The following CALML4 variants were observed in gnomAD, a reference collection of about 807,000 sequenced individuals.
The protein encoded by CALML4 is calmodulin like 4, also known as calmodulin-like protein 4.
CALML4 carries 16 observed loss-of-function variants against 17.9 expected under a neutral mutation model. The ratio of observed to expected loss-of-function variants is 0.89; its 90% CI spans 0.61 to 1.36. The LOEUF is 1.36. CALML4 is among the 40% of genes most tolerant of loss of function. The probability of loss-of-function intolerance (pLI) is 0.00; values close to 1 mark genes in which losing one functional copy is unlikely to be tolerated. For missense variants in CALML4, 203 were observed against 194.8 expected (o/e 1.04, Z -0.25); for synonymous variants, 86 against 71.5 (o/e 1.20, Z -1.02).
At chr15:68,201,446 G>T (rs2093165340) in intron 2 of CALML4, among the ~76,000 whole-genome samples, 1 of 152,208 alleles carries the variant, frequency 6.6e-6, no homozygotes, top group Non-Finnish European at 1.5e-5. Flanking sequence ...TAGCACTACA[G>T]GGGGTACCCC....
upstream of CALML4, chr15:68,205,355 G>A (rs750142824): frequency 1.2e-6 from 2 of 1,613,974 alleles, no homozygotes; most frequent in East Asian, 2.2e-5. The surrounding 1 kb of genome is among the most constrained non-coding windows in gnomAD (Gnocchi z 4.8). Flanking sequence ...GGAGGCCCGG[G>A]TAATAAATGC....
At chr15:68,205,366 T>G, upstream of CALML4, 1 of 1,613,800 alleles carries the variant, frequency 6.2e-7, no homozygotes, top group South Asian at 1.1e-5. The surrounding 1 kb of genome is among the most constrained non-coding windows in gnomAD (Gnocchi z 4.8). Context: ...TAATAAATGC[T>G]CGGCTGCCAT....
chr15:68,199,985 T>C, intron 2 of CALML4: 1 of 196,818 alleles, frequency 5.1e-6, no homozygotes, highest in South Asian at 1.3e-4. Flanking sequence ...GTGTCCTGTA[T>C]TTTATCTGGC....
In CALML4 at chr15:68,197,952, G is replaced by A; in HGVS notation, c.176-324C>T. Reference sequence around the variant, plus strand: ...CCTTCTAGCGCTTCCCTCCTGCCCTGAACTGGAGGGAAACAGGTCCATGTG... The same window carrying A: ...CCTTCTAGCGCTTCCCTCCTGCCCTAAACTGGAGGGAAACAGGTCCATGTG... On this transcript the variant is annotated intron_variant, in intron 3 of 4. Coordinates refer to ENST00000467889, the MANE Select transcript of CALML4 (RefSeq NM_033429.3). The surrounding 1 kb of genome is among the most constrained non-coding windows in gnomAD (Gnocchi z 4.1). The A allele has an allele frequency of 3.8e-6, 1 of 262,744 alleles. No homozygotes were observed. The highest frequency in any genetic ancestry group is 7.3e-6 in the Non-Finnish European group (1 of 136,320). The allele number at this position is 262,744 out of a possible 1,614,324, so 16.3% of individuals were successfully genotyped here.
upstream of CALML4, chr15:68,205,693 GGGAACCCTTCC>G: frequency 2.9e-6 from 1 of 341,242 alleles, no homozygotes; most frequent in Non-Finnish European, 5.6e-6. This position sits in a 1 kb window ranked among gnomAD's most constrained non-coding sequence, Gnocchi z 4.8. Flanking sequence ...GTAGGAGGAA[GGGAACCCTTCC>G]AAGACGGCCT....
Position 68,205,052 on chromosome 15 carries a change from A to C in CALML4, c.34+69T>G, listed in dbSNP as rs1170828298. 1 of 1,564,634 alleles carries C rather than the reference A, an allele frequency of 6.4e-7. No individual in the cohort carries two copies. The highest frequency in any genetic ancestry group is 1.4e-5 in the African/African-American group (1 of 73,810). The stretch of plus-strand genomic sequence containing the variant: ...CCTTCCTTCCCACCAAGAAAACATG[A>C]GCAGAGCAAATTGCCTAATGAGACC... On this transcript the variant is annotated intron_variant, in intron 2 of 4. Transcript: ENST00000467889. This position sits in a 1 kb window ranked among gnomAD's most constrained non-coding sequence, Gnocchi z 4.8.
chr15:68,198,871 T>C (rs2093155339), intron 3 of CALML4, among the ~76,000 whole-genome samples: 1 of 151,954 alleles, frequency 6.6e-6, no homozygotes, highest in South Asian at 2.1e-4. Context: ...TAAAATGGAG[T>C]TAGGAGAAAG....
At chr15:68,194,140 G>A (rs1425959381) in intron 4 of CALML4, 28 bp from the exon 5 acceptor site, 2 of 1,585,884 alleles carry the variant, frequency 1.3e-6, no homozygotes, top group Non-Finnish European at 1.7e-6. Context: ...TAATTTTTCA[G>A]TTTGGCTTTA....
chr15:68,198,120 C>A, intron 3 of CALML4: 1 of 153,166 alleles, frequency 6.5e-6, no homozygotes, highest in Non-Finnish European at 1.5e-5. Flanking sequence ...CCCTCCTCCA[C>A]GGGCCCTGGC....
intron 4 of CALML4, among the ~76,000 whole-genome samples, chr15:68,194,395 T>G (rs1262970067): frequency 6.6e-6 from 1 of 151,812 alleles, no homozygotes; most frequent in Non-Finnish European, 1.5e-5. Context: ...TTTTTTTTTT[T>G]TTTTTTTAAA....
intron 2 of CALML4, chr15:68,199,931 TTG>T (rs2093160020): frequency 1.2e-5 from 4 of 323,018 alleles, no homozygotes; most frequent in African/African-American, 8.6e-5. Flanking sequence ...TATACTTCTA[TTG>T]GAAAAGTATT....
rs746714520 is a variant in CALML4 at position 68,194,111 on chromosome 15, C to T, written c.366G>A (p.Val122=). 5 of 1,609,866 alleles carry T rather than the reference C, an allele frequency of 3.1e-6. No homozygotes were observed. Among genetic ancestry groups the T allele is most frequent in the Non-Finnish European group, 4.3e-6 (5 of 1,176,372 alleles). ...SLGEKLTHKE[V]DDLFREADIE... is the part of the protein sequence containing the mutation. ...TATCTGCTTCCCTGAAGAGATCATC[C>T]ACTGCAATAAATCACATTTAATTTT... The change falls in exon 5 of 5, where the codon GTG becomes GTA. Residue 122 remains valine (V), a splice_region_variant and synonymous_variant. Coordinates refer to ENST00000467889, the MANE Select transcript of CALML4 (RefSeq NM_033429.3).
At chr15:68,202,157 C>T (rs890337620) in intron 2 of CALML4, among the ~76,000 whole-genome samples, 3 of 152,226 alleles carry the variant, frequency 2.0e-5, no homozygotes, top group Non-Finnish European at 4.4e-5. Context: ...AAGAAAGAGA[C>T]CTGTGCAAGG....
chr15:68,203,476 T>C (rs2093172197), intron 2 of CALML4, among the ~76,000 whole-genome samples: 1 of 152,264 alleles, frequency 6.6e-6, no homozygotes, highest in Non-Finnish European at 1.5e-5. Flanking sequence ...AATAGGGCTG[T>C]CTTTTTAACT....
chr15:68,193,341 T>C lies in CALML4; in HGVS notation c.*674A>G, dbSNP rs576192196. 1.3e-5 allele frequency: 2 copies of C among 152,468 alleles called. No individual in the cohort carries two copies. Among genetic ancestry groups the C allele is most frequent in the South Asian group, 4.1e-4 (2 of 4,828 alleles). The allele number at this position is 152,468 out of a possible 1,614,324, so 9.4% of individuals were successfully genotyped here. Reference sequence around the variant, plus strand: ...GCTCTCAGCTGATGCTGCCTCATTGTAGCATGTGTTTTCACTCTAGTGTTT... The same window carrying C: ...GCTCTCAGCTGATGCTGCCTCATTGCAGCATGTGTTTTCACTCTAGTGTTT... On this transcript the variant is annotated 3_prime_UTR_variant, in exon 5 of 5. Coordinates refer to ENST00000467889, the MANE Select transcript of CALML4 (RefSeq NM_033429.3).
At position 68,193,865 on chromosome 15, in the gene CALML4, TA is replaced by T. The variant is rs2093131225; in HGVS notation, c.*149del. On this transcript the variant is annotated 3_prime_UTR_variant, in exon 5 of 5. Coordinates refer to ENST00000467889, the MANE Select transcript of CALML4 (RefSeq NM_033429.3). ...TCATACCATGGCTGAAATCATCTAT[TA>T]TTGTTGCTAGTTAGCCTCTCTTCTA... 1 of 606,806 alleles carries T rather than the reference TA, an allele frequency of 1.6e-6. No individual in the cohort carries two copies. Among genetic ancestry groups the T allele is most frequent in the African/African-American group, 1.9e-5 (1 of 53,948 alleles). The allele number at this position is 606,806 out of a possible 1,614,324, so 37.6% of individuals were successfully genotyped here.
chr15:68,197,540 TAGA>T lies in CALML4; in HGVS notation c.261_263del (p.Leu88del), dbSNP rs1567089807. ...TCTCCTTGTCCACCATCAACATGGC[TAGA>T]AGAATTTCTTTCTTTGGGTCTTCTT... On this transcript the variant is annotated inframe_deletion, in exon 4 of 5. Transcript: ENST00000467889. The surrounding 1 kb of genome is among the most constrained non-coding windows in gnomAD (Gnocchi z 4.1). 14 of 1,614,024 alleles carry T rather than the reference TAGA, an allele frequency of 8.7e-6. No homozygotes were observed. The highest frequency in any genetic ancestry group is 1.2e-5 in the Non-Finnish European group (14 of 1,180,028).
Position 68,193,291 on chromosome 15 carries a change from G to A in CALML4, c.*724C>T, listed in dbSNP as rs2093128780. The A allele has an allele frequency of 6.6e-6, 1 of 152,244 alleles. No individual in the cohort carries two copies. The highest frequency in any genetic ancestry group is 2.4e-5 in the African/African-American group (1 of 41,422). The allele number at this position is 152,244 out of a possible 1,614,324, so 9.4% of individuals were successfully genotyped here. ...CTCACATCTGGTTTCCTTTGGTGTG[G>A]GGTGTAAAGTAGATCGCTCTTCCTG... On this transcript the variant is annotated 3_prime_UTR_variant, in exon 5 of 5. Transcript: ENST00000467889.
intron 2 of CALML4, among the ~76,000 whole-genome samples, chr15:68,202,446 A>G (rs930630783): frequency 6.6e-6 from 1 of 152,202 alleles, no homozygotes; most frequent in Non-Finnish European, 1.5e-5. Context: ...TGTCTACAAA[A>G]TATTTACAAA....
Sources: allele counts gnomAD v4.1 joint callset (sites outside exome capture counted in the v4.1 genomes callset), GRCh38; gene constraint gnomAD v4.1.1; non-coding constraint Gnocchi (gnomAD v3.1); transcripts MANE v1.5; gene names NCBI Gene and HGNC (gene_info 2026-07-23, HGNC 2026-07-21).